The following TMEM132B variants were observed in gnomAD, a reference collection of about 807,000 sequenced individuals.
TMEM132B encodes transmembrane protein 132B.
In TMEM132B, 18 loss-of-function variants were observed where a neutral mutation model predicts 90.8. That is an observed-to-expected ratio of 0.20 (90% CI 0.14 to 0.29). TMEM132B has a LOEUF of 0.29. Ranked by LOEUF, TMEM132B falls within the 10% of genes least tolerant of loss-of-function variation. The pLI is 1.00. For missense variants in TMEM132B, 1,096 were observed against 1,326.8 expected, an observed-to-expected ratio of 0.83 and a Z score of 2.70; for synonymous variants, 504 against 523.3, an observed-to-expected ratio of 0.96 and a Z score of 0.50.
At chr12:125,324,536 C>G (rs963480394) in intron 1 of TMEM132B, among the ~76,000 whole-genome samples, 1 of 152,206 alleles carries the variant, frequency 6.6e-6, no homozygotes, top group African/African-American at 2.4e-5. Context: ...TGGTCTGTGG[C>G]CTGTTAGGAA....
intron 5 of TMEM132B, among the ~76,000 whole-genome samples, chr12:125,619,805 G>A (rs552788216): frequency 2.6e-5 from 4 of 152,290 alleles, no homozygotes; most frequent in Non-Finnish European, 5.9e-5. Flanking sequence ...TGTAAGCATT[G>A]CGTCTTCCTG....
intron 5 of TMEM132B, among the ~76,000 whole-genome samples, chr12:125,625,728 C>G (rs1211371682): frequency 1.3e-5 from 2 of 152,206 alleles, no homozygotes; most frequent in Non-Finnish European, 2.9e-5. Flanking sequence ...AATTGCCAGA[C>G]TGTTTTCAAA....
chr12:125,609,816 CAAAAAAAAAAAAAAAAA>C (rs763840695), intron 5 of TMEM132B, among the ~76,000 whole-genome samples: 4 of 39,432 alleles, frequency 1.0e-4, no homozygotes, highest in East Asian at 9.5e-4. Flanking sequence ...GACTCTGTCT[CAAAAAAAAAAAAAAAAA>C]AAAAAAAAAA....
intron 3 of TMEM132B, among the ~76,000 whole-genome samples, chr12:125,477,741 T>C (rs943068566): frequency 8.5e-5 from 13 of 152,176 alleles, no homozygotes; most frequent in African/African-American, 3.1e-4. Context: ...GAGCAGTGGT[T>C]CTCCCAGCAC....
intron 1 of TMEM132B, among the ~76,000 whole-genome samples, chr12:125,188,422 G>A (rs1336878432): frequency 6.6e-6 from 1 of 152,134 alleles, no homozygotes; most frequent in Non-Finnish European, 1.5e-5. Context: ...TCTCTATTTT[G>A]TTTCTCCACG....
chr12:125,405,004 G>A (rs1879425536), intron 2 of TMEM132B, among the ~76,000 whole-genome samples: 1 of 152,200 alleles, frequency 6.6e-6, no homozygotes, highest in South Asian at 2.1e-4. Context: ...CTCCGTCTGT[G>A]CCAGCACTTT....
At chr12:125,369,154 G>A (rs187885275) in intron 2 of TMEM132B, among the ~76,000 whole-genome samples, 86 of 152,294 alleles carry the variant, frequency 5.6e-4, no homozygotes, top group African/African-American at 2.0e-3. Context: ...AGTTTGCTGA[G>A]AGTGATGGTT....
chr12:125,654,881 T>C lies in TMEM132B; in HGVS notation c.*171T>C. On this transcript the variant is annotated 3_prime_UTR_variant, in exon 9 of 9. Coordinates refer to ENST00000682704, the MANE Select transcript of TMEM132B (RefSeq NM_001366854.1). The surrounding 1 kb of genome is among the most constrained non-coding windows in gnomAD (Gnocchi z 5.8). Reference sequence around the variant, plus strand: ...TTTGGAGAGCTATAGAAGCTGGGTTTTAAGTTTGGAAATGCCTCTAAAACA... The same window carrying C: ...TTTGGAGAGCTATAGAAGCTGGGTTCTAAGTTTGGAAATGCCTCTAAAACA... 1 of 785,344 alleles carries C rather than the reference T, an allele frequency of 1.3e-6. No homozygotes were observed. The highest frequency in any genetic ancestry group is 1.9e-6 in the Non-Finnish European group (1 of 513,614). The allele number at this position is 785,344 out of a possible 1,614,324, so 48.6% of individuals were successfully genotyped here. A position where few individuals can be genotyped will look rare whatever the true frequency, so the allele number is the denominator to read the frequency against.
Position 125,194,808 on chromosome 12 carries a change from G to C in TMEM132B, c.67+7942G>C, listed in dbSNP as rs796981852. ...TTGGGCAAGGGAAGGGAAGGGGGAGGCATGGTGTAGATGGAAAATGTTATT... is the reference window on the plus strand; with the variant it reads ...TTGGGCAAGGGAAGGGAAGGGGGAGCCATGGTGTAGATGGAAAATGTTATT... On this transcript the variant is annotated intron_variant, in intron 1 of 8. Coordinates refer to ENST00000682704, the MANE Select transcript of TMEM132B (RefSeq NM_001366854.1). Among the ~76,000 whole-genome samples, 4 of 152,054 alleles carry C rather than the reference G, an allele frequency of 2.6e-5. No homozygotes were observed. In the South Asian group the frequency reaches 8.3e-4, roughly 32 times the overall value.
At chr12:125,652,709 A>G (rs1272716825) in intron 8 of TMEM132B, 77 bp downstream of exon 8, 2 of 1,487,784 alleles carry the variant, frequency 1.3e-6, no homozygotes, top group African/African-American at 2.8e-5. Flanking sequence ...TGCGAAGGAG[A>G]GCAGGAGAGC....
At chr12:125,567,943 TG>T (rs1370232793) in intron 4 of TMEM132B, among the ~76,000 whole-genome samples, 2 of 152,166 alleles carry the variant, frequency 1.3e-5, no homozygotes, top group African/African-American at 2.4e-5. Context: ...AGGGCCCACC[TG>T]GGTTGGTAGA....
intron 5 of TMEM132B, among the ~76,000 whole-genome samples, chr12:125,610,858 G>A (rs1055456657): frequency 6.6e-6 from 1 of 151,960 alleles, no homozygotes; most frequent in Non-Finnish European, 1.5e-5. Context: ...CCTTTTATAT[G>A]ACTTCTTTGG....
chr12:125,240,314 G>A (rs893931649), intron 1 of TMEM132B, among the ~76,000 whole-genome samples: 1 of 152,274 alleles, frequency 6.6e-6, no homozygotes, highest in African/African-American at 2.4e-5. Context: ...CATGGCATCC[G>A]TGGTAGAACA....
intron 4 of TMEM132B, among the ~76,000 whole-genome samples, chr12:125,526,475 G>A (rs866009746): frequency 4.6e-5 from 7 of 152,190 alleles, no homozygotes; most frequent in Non-Finnish European, 8.8e-5. Context: ...GTCTGGCCTT[G>A]TAATCTTACC....
At chr12:125,559,106 G>A (rs2136786538) in intron 4 of TMEM132B, among the ~76,000 whole-genome samples, 1 of 152,338 alleles carries the variant, frequency 6.6e-6, no homozygotes, top group East Asian at 1.9e-4. Context: ...GGAAGGCCCA[G>A]GATTCCAGGT....
intron 6 of TMEM132B, among the ~76,000 whole-genome samples, chr12:125,647,516 G>A (rs545867762): frequency 1.3e-5 from 2 of 152,304 alleles, no homozygotes; most frequent in East Asian, 1.9e-4. Flanking sequence ...CTGAAACCAC[G>A]GAGGCCAGAA....
intron 3 of TMEM132B, among the ~76,000 whole-genome samples, chr12:125,486,445 AC>A (rs1882207560): frequency 6.6e-6 from 1 of 152,202 alleles, no homozygotes; most frequent in Non-Finnish European, 1.5e-5. Flanking sequence ...GGATAGTTTG[AC>A]CAAGAGACAT....
At chr12:125,402,345 A>T (rs1879344533) in intron 2 of TMEM132B, among the ~76,000 whole-genome samples, 1 of 152,154 alleles carries the variant, frequency 6.6e-6, no homozygotes, top group Admixed American at 6.5e-5. Flanking sequence ...AACCACCACC[A>T]CGCCTGGCTA....
intron 1 of TMEM132B, among the ~76,000 whole-genome samples, chr12:125,296,444 G>A (rs1002684444): frequency 1.1e-4 from 16 of 152,050 alleles, no homozygotes; most frequent in African/African-American, 3.6e-4. Context: ...CACACTGTCT[G>A]CCCAGATCCC....
Sources: allele counts gnomAD v4.1 joint callset (sites outside exome capture counted in the v4.1 genomes callset), GRCh38; gene constraint gnomAD v4.1.1; non-coding constraint Gnocchi (gnomAD v3.1); transcripts MANE v1.5; gene names NCBI Gene and HGNC (gene_info 2026-07-23, HGNC 2026-07-21).